Variants in ICE2 observed in about 807,000 individuals in gnomAD.
ICE2 encodes the protein little elongation complex subunit 2.
A neutral mutation model predicts 105.4 loss-of-function variants in ICE2; 87 were observed. The ratio of observed to expected loss-of-function variants is 0.83; its 90% CI spans 0.69 to 0.99. The LOEUF is 0.99. ICE2 is among the 50% of genes least tolerant of loss of function. ICE2 has a pLI of 0.00. For missense variants in ICE2, 1,323 were observed against 1,146.7 expected (o/e 1.15, Z -2.22); for synonymous variants, 399 against 392.0 (o/e 1.02, Z -0.21).
At position 60,455,459 on chromosome 15, in the gene ICE2, A is replaced by C. The variant is rs754537267; in HGVS notation, c.667-17T>G. The C allele has an allele frequency of 6.6e-7, 1 of 1,523,482 alleles. No individual in the cohort carries two copies. The highest frequency in any genetic ancestry group is 1.8e-5 in the Admixed American group (1 of 54,410). The allele number at this position is 1,523,482 out of a possible 1,614,324, so 94.4% of individuals were successfully genotyped here. ...TACACTGCCCTAAATATGAAAAAAA[A>C]ATCATTTTATTGCAAAAATCGCAAT... On this transcript the variant is annotated splice_polypyrimidine_tract_variant and intron_variant, in intron 6 of 15. Coordinates refer to ENST00000261520, the MANE Select transcript of ICE2 (RefSeq NM_024611.6).
chr15:60,426,200 G>A (rs780033270), intron 15 of ICE2, among the ~76,000 whole-genome samples: 4 of 152,196 alleles, frequency 2.6e-5, no homozygotes, highest in Admixed American at 6.5e-5. Context: ...ATATACAACA[G>A]TGGTCCCAAA....
At chr15:60,459,861 A>G (rs1336396848) in intron 5 of ICE2, among the ~76,000 whole-genome samples, 1 of 152,200 alleles carries the variant, frequency 6.6e-6, no homozygotes, top group African/African-American at 2.4e-5. Flanking sequence ...GGACACTAGG[A>G]AAAATGTCAA....
At chr15:60,471,004 T>G (rs574019209) in intron 3 of ICE2, among the ~76,000 whole-genome samples, 127 of 152,288 alleles carry the variant, frequency 8.3e-4, no homozygotes, top group African/African-American at 2.9e-3. Flanking sequence ...CCAAAACTAC[T>G]ACTGATTAGT....
Position 60,420,351 on chromosome 15 carries a change from G to C in ICE2, c.*3283C>G, listed in dbSNP as rs970350054. On this transcript the variant is annotated 3_prime_UTR_variant, in exon 16 of 16. Coordinates refer to ENST00000261520, the MANE Select transcript of ICE2 (RefSeq NM_024611.6). ...ATCACTTGAGCCCACTCCTATTCTT[G>C]CTGCTTTAATTCTGGGCCATTGCCA... The C allele has an allele frequency of 1.3e-5, 2 of 149,894 alleles. No homozygotes were observed. Among genetic ancestry groups the C allele is most frequent in the African/African-American group, 4.9e-5 (2 of 40,612 alleles). 9.3% of individuals were successfully genotyped at this position (149,894 alleles called of 1,614,324 possible).
intron 15 of ICE2, among the ~76,000 whole-genome samples, chr15:60,424,314 T>A (rs1179441790): frequency 1.4e-5 from 2 of 140,920 alleles, no homozygotes; most frequent in African/African-American, 5.3e-5. Flanking sequence ...TAAGGAAGTT[T>A]CAAGACAAGA....
chr15:60,458,264 A>G (rs2064180455), intron 5 of ICE2, among the ~76,000 whole-genome samples: 1 of 152,194 alleles, frequency 6.6e-6, no homozygotes, highest in African/African-American at 2.4e-5. Context: ...GGAAGTTAAA[A>G]GATTCAGGCT....
chr15:60,440,414 A>C (rs2063694347), intron 12 of ICE2: 1 of 152,232 alleles, frequency 6.6e-6, no homozygotes, highest in African/African-American at 2.4e-5. Context: ...TTAAAGGAGT[A>C]AATCTTCAAG....
Position 60,428,603 on chromosome 15 carries a change from A to G in ICE2, c.2646T>C (p.Thr882=). 2.5e-6 allele frequency: 4 copies of G among 1,614,148 alleles called. No individual in the cohort carries two copies. The highest frequency in any genetic ancestry group is 1.1e-5 in the South Asian group (1 of 91,086). The part of the protein sequence containing the change: ...LIYKASDGKV[T]RTAYNLYKTH... ...TTTTATACAAATTGTATGCTGTCCT[A>G]GTAACTTTTCCATCAGAGGCCTTAT... The change falls in exon 15 of 16, where the codon ACT becomes ACC. Residue 882 remains threonine, a synonymous_variant. Transcript: ENST00000261520.
intron 5 of ICE2, among the ~76,000 whole-genome samples, chr15:60,460,656 C>CT (rs1555413766): frequency 6.6e-6 from 1 of 152,196 alleles, no homozygotes; most frequent in Non-Finnish European, 1.5e-5. Flanking sequence ...GTCCAGTACA[C>CT]TGTAGGATAT....
chr15:60,463,198 C>T lies in ICE2; in HGVS notation c.528+3396G>A, dbSNP rs77390917. ...CAGGTTTACTGAGATGTAACTCTAT[C>T]GTGAGTCAAGAAGCATCTGTATATC... On this transcript the variant is annotated intron_variant, in intron 5 of 15. Transcript: ENST00000261520. 5.1e-3 allele frequency among the ~76,000 whole-genome samples: 773 copies of T among 152,216 alleles called. 4 individuals are homozygous for T. Among genetic ancestry groups the T allele is most frequent in the Non-Finnish European group, 7.4e-3 (506 of 68,010 alleles).
intron 13 of ICE2, among the ~76,000 whole-genome samples, chr15:60,433,819 T>C (rs1478154670): frequency 1.3e-5 from 2 of 151,874 alleles, no homozygotes; most frequent in African/African-American, 4.8e-5. Flanking sequence ...AAAAAAAATG[T>C]TTTTCAATGA....
chr15:60,466,981 A>T (rs931200605), intron 4 of ICE2, among the ~76,000 whole-genome samples: 15 of 150,818 alleles, frequency 9.9e-5, no homozygotes, highest in South Asian at 2.1e-4. Context: ...GTCAAAAAAA[A>T]TTTTTTTTTT....
At chr15:60,432,699 T>G (rs1316706689) in intron 13 of ICE2, among the ~76,000 whole-genome samples, 1 of 151,872 alleles carries the variant, frequency 6.6e-6, no homozygotes. Flanking sequence ...GAGACCATCC[T>G]GGCTAACACA....
intron 15 of ICE2, 47 bp downstream of exon 15, chr15:60,428,382 G>C (rs762981704): frequency 5.1e-6 from 8 of 1,569,000 alleles, no homozygotes; most frequent in Middle Eastern, 3.4e-4. Context: ...TGAAATAGAC[G>C]AATAATAAAC....
intron 8 of ICE2, 43 bp from the exon 9 acceptor site, chr15:60,453,827 T>G: frequency 6.9e-7 from 1 of 1,449,936 alleles, no homozygotes; most frequent in Non-Finnish European, 9.5e-7. Flanking sequence ...AGTATCTAAT[T>G]GTGATATATT....
intron 12 of ICE2, chr15:60,439,208 C>G (rs2063664531): frequency 2.0e-5 from 3 of 152,064 alleles, no homozygotes; most frequent in African/African-American, 7.2e-5. Context: ...ACTATAAATT[C>G]TCTATCAATC....
chr15:60,443,146 G>C (rs1013595016), intron 11 of ICE2: 2 of 152,124 alleles, frequency 1.3e-5, no homozygotes, highest in African/African-American at 4.8e-5. Context: ...CAAATTCACT[G>C]GTCAGGACAC....
At chr15:60,452,940 T>G in intron 9 of ICE2, 1 of 985,436 alleles carries the variant, frequency 1.0e-6, no homozygotes, top group Non-Finnish European at 1.2e-6. Context: ...TTAAAAACTC[T>G]TAGATATGGG....
intron 13 of ICE2, among the ~76,000 whole-genome samples, chr15:60,433,482 C>G (rs2063508962): frequency 6.6e-6 from 1 of 151,754 alleles, no homozygotes; most frequent in African/African-American, 2.4e-5. Context: ...CTCTCTCTCT[C>G]CCTCCCTCTC....
Sources: gnomAD v4.1 joint callset for allele counts (sites outside exome capture counted in the v4.1 genomes callset) on GRCh38, gnomAD v4.1.1 for gene constraint, MANE v1.5 for transcripts, NCBI Gene and HGNC (gene_info 2026-07-23, HGNC 2026-07-21) for gene names.